PCSK5: variants seen among roughly 807,000 people sequenced by gnomAD.
PCSK5 encodes the protein proprotein convertase subtilisin/kexin type 5.
A neutral mutation model predicts 233.2 loss-of-function variants in PCSK5; 129 were observed. The observed-to-expected ratio is 0.55, with a 90% CI of 0.48 to 0.64. PCSK5 has a LOEUF of 0.64. PCSK5 is among the 30% of genes least tolerant of loss of function. PCSK5 has a pLI of 0.00. For missense variants in PCSK5, 2,076 were observed against 2,430.1 expected (o/e 0.85, Z 3.06); for synonymous variants, 825 against 879.2 (o/e 0.94, Z 1.09).
rs561341457 is a variant in PCSK5, at chr9:76,070,263, G to A, written c.722-1463G>A. Among the ~76,000 whole-genome samples, 1,083 of 152,246 alleles carry A rather than the reference G, an allele frequency of 7.1e-3. 9 individuals carry two copies. The highest frequency in any genetic ancestry group is 0.034 in the Middle Eastern group (10 of 294). Reference sequence around the variant, plus strand: ...GATCCACCCGCCTCGGCCTCCCAAAGTGCTGGGATTACAGGCGTGAGCCAC... The same window carrying A: ...GATCCACCCGCCTCGGCCTCCCAAAATGCTGGGATTACAGGCGTGAGCCAC... On this transcript the variant is annotated intron_variant, in intron 6 of 37. Coordinates refer to ENST00000674117, the MANE Select transcript of PCSK5 (RefSeq NM_001372043.1).
intron 10 of PCSK5, among the ~76,000 whole-genome samples, chr9:76,151,069 G>A (rs1466160010): frequency 6.6e-6 from 1 of 151,750 alleles, no homozygotes; most frequent in Non-Finnish European, 1.5e-5. Flanking sequence ...TGGCAACTTG[G>A]GAAAGCGTCC....
intron 20 of PCSK5, among the ~76,000 whole-genome samples, chr9:76,208,765 T>C (rs779159986): frequency 6.6e-5 from 10 of 152,238 alleles, no homozygotes; most frequent in Non-Finnish European, 1.5e-4. Context: ...AGAATAATTC[T>C]GATTGCTCAT....
At chr9:76,284,718 G>C (rs1828005896) in intron 24 of PCSK5, among the ~76,000 whole-genome samples, 1 of 151,806 alleles carries the variant, frequency 6.6e-6, no homozygotes, top group Non-Finnish European at 1.5e-5. Flanking sequence ...TTTTAGTAGA[G>C]ACAGAGTTTC....
chr9:76,067,049 G>A (rs1587580562), intron 5 of PCSK5, among the ~76,000 whole-genome samples: 1 of 152,182 alleles, frequency 6.6e-6, no homozygotes, highest in African/African-American at 2.4e-5. Context: ...CAGTCTTGGT[G>A]TTCTTTCTCT....
intron 2 of PCSK5, among the ~76,000 whole-genome samples, chr9:75,975,092 T>C (rs544001026): frequency 6.6e-6 from 1 of 152,294 alleles, no homozygotes; most frequent in Non-Finnish European, 1.5e-5. Context: ...GTATTGAGAA[T>C]GCCTCTTACT....
intron 24 of PCSK5, among the ~76,000 whole-genome samples, chr9:76,267,314 C>A (rs1446126682): frequency 7.2e-5 from 11 of 151,914 alleles, no homozygotes; most frequent in Admixed American, 2.0e-4. Flanking sequence ...AGCAATTATC[C>A]AAAAGAATCA....
intron 33 of PCSK5, among the ~76,000 whole-genome samples, chr9:76,329,019 A>C (rs1207701374): frequency 7.8e-6 from 1 of 128,016 alleles, no homozygotes; most frequent in African/African-American, 3.1e-5. Flanking sequence ...GGGTTTCACC[A>C]TGTTGGCCAG....
chr9:76,287,897 TG>T, intron 24 of PCSK5: 1 of 191,202 alleles, frequency 5.2e-6, no homozygotes, highest in Non-Finnish European at 1.1e-5. Context: ...GAAATGCATG[TG>T]GGCCCCAGGG....
intron 3 of PCSK5, among the ~76,000 whole-genome samples, chr9:76,014,576 T>C (rs181386662): frequency 1.2e-4 from 18 of 152,314 alleles, no homozygotes; most frequent in Non-Finnish European, 2.1e-4. Flanking sequence ...TGTCATGCCT[T>C]GTGTTATTCC....
rs753944171 is a variant in PCSK5, at chr9:76,188,645, C to A, written c.2350C>A (p.Pro784Thr). 3.7e-6 allele frequency: 6 copies of A among 1,613,436 alleles called. No individual in the cohort carries two copies. Among genetic ancestry groups the A allele is most frequent in the Non-Finnish European group, 5.1e-6 (6 of 1,179,388 alleles). ...GTATTTCAACGGCCAGGACTGCCAG[C>A]CCTGCCACCGCTTCTGCGCCACTTG... ...GRYFNGQDCQ[P>T]CHRFCATCAG... Residue 784 changes from proline to threonine, a missense_variant, in exon 18 of 38, where the codon CCC (proline) becomes ACC (threonine). Pro to Thr is a conservative substitution (Grantham distance 38). Around this residue, in one of 6 missense-constraint regions of PCSK5, gnomAD observed 1,510 missense variants for 1,538.1 expected, o/e 0.98. Coordinates refer to ENST00000674117, the MANE Select transcript of PCSK5 (RefSeq NM_001372043.1).
chr9:76,321,081 TG>T (rs1370598536), intron 30 of PCSK5, among the ~76,000 whole-genome samples: 1 of 151,622 alleles, frequency 6.6e-6, no homozygotes, highest in African/African-American at 2.4e-5. Flanking sequence ...CCCAAAGTGC[TG>T]GGATTACAAG....
At chr9:75,944,948 A>G (rs186020804) in intron 2 of PCSK5, among the ~76,000 whole-genome samples, 1 of 152,074 alleles carries the variant, frequency 6.6e-6, no homozygotes, top group East Asian at 1.9e-4. Flanking sequence ...CATCTCTACT[A>G]AAAATACAAA....
At chr9:76,016,588 C>T (rs1056419770) in intron 3 of PCSK5, among the ~76,000 whole-genome samples, 1 of 152,012 alleles carries the variant, frequency 6.6e-6, no homozygotes, top group Non-Finnish European at 1.5e-5. Context: ...TGGTTTAGCA[C>T]CAAGGCTAGG....
intron 10 of PCSK5, among the ~76,000 whole-genome samples, chr9:76,154,811 T>C (rs1343750553): frequency 6.6e-6 from 1 of 152,128 alleles, no homozygotes; most frequent in Non-Finnish European, 1.5e-5. Context: ...AGTAAGAACA[T>C]AATGATTCTC....
At position 76,128,756 on chromosome 9, in the gene PCSK5, T is replaced by A. The variant is rs73650456; in HGVS notation, c.1209-5353T>A. On this transcript the variant is annotated intron_variant, in intron 9 of 37. Transcript: ENST00000674117. ...TGTGGTCCTGCTTTTCTTTCATTTTTTCCACTTTGGTTCAGGTGTGGAGGA... is the reference window on the plus strand; with the variant it reads ...TGTGGTCCTGCTTTTCTTTCATTTTATCCACTTTGGTTCAGGTGTGGAGGA... Among the ~76,000 whole-genome samples, 212 of 152,342 alleles carry A rather than the reference T, an allele frequency of 1.4e-3. 2 individuals are homozygous for A. Among genetic ancestry groups the A allele is most frequent in the African/African-American group, 4.7e-3 (197 of 41,584 alleles).
chr9:76,296,674 G>C lies in PCSK5; in HGVS notation c.3332G>C (p.Cys1111Ser). 1 of 1,608,560 alleles carries C rather than the reference G, an allele frequency of 6.2e-7. No individual in the cohort carries two copies. Among genetic ancestry groups the C allele is most frequent in the East Asian group, 2.2e-5 (1 of 44,846 alleles). The change falls in exon 27 of 38, where the codon TGT becomes TCT. Residue 1111 changes from cysteine (C) to serine (S), a missense_variant. Coordinates refer to ENST00000674117, the MANE Select transcript of PCSK5 (RefSeq NM_001372043.1). The stretch of plus-strand genomic sequence containing the variant: ...CTGTGTTCTCACATAGGTGGCAGTT[G>C]TGTGAGGAAATGTGGTCCTGGATTC... ...EEGFFLLGGS[C>S]VRKCGPGFYG...
chr9:76,309,418 G>T (rs1828796891), intron 29 of PCSK5, among the ~76,000 whole-genome samples: 1 of 152,222 alleles, frequency 6.6e-6, no homozygotes, highest in Non-Finnish European at 1.5e-5. Context: ...AGTGGGCTGG[G>T]CATGATGGCT....
At chr9:76,179,734 T>G in intron 15 of PCSK5, 36 bp downstream of exon 15, 1 of 1,428,006 alleles carries the variant, frequency 7.0e-7, no homozygotes, top group Non-Finnish European at 9.9e-7. Flanking sequence ...CCACAGCATG[T>G]GCCAGGCATC....
chr9:76,334,186 GA>G (rs1382060935), intron 34 of PCSK5, among the ~76,000 whole-genome samples: 1 of 152,066 alleles, frequency 6.6e-6, no homozygotes, highest in East Asian at 1.9e-4. Flanking sequence ...CAGCATGGGG[GA>G]AACCGCCCCT....
Sources: allele counts gnomAD v4.1 joint callset (sites outside exome capture counted in the v4.1 genomes callset), GRCh38; gene constraint gnomAD v4.1.1; regional missense constraint gnomAD v4.1.1; transcripts MANE v1.5; gene names NCBI Gene and HGNC (gene_info 2026-07-23, HGNC 2026-07-21).